HIVEP1: variants seen among roughly 807,000 people sequenced by gnomAD.
HIVEP1 encodes the protein HIVEP zinc finger 1.
HIVEP1 carries 36 observed loss-of-function variants against 180.0 expected under a neutral mutation model. The observed-to-expected ratio is 0.20, with a 90% CI of 0.15 to 0.26. HIVEP1 has a LOEUF of 0.26. Among genes scored for constraint, HIVEP1 ranks in the 10% least tolerant of loss-of-function variants. The pLI is 1.00. For synonymous variants in HIVEP1, 1,239 were observed against 1,239.0 expected, an observed-to-expected ratio of 1.00 and a Z score of 0.00; for missense variants, 3,143 against 3,268.7, an observed-to-expected ratio of 0.96 and a Z score of 0.94.
At chr6:12,011,020 G>C (rs138145443), upstream of HIVEP1, among the ~76,000 whole-genome samples, 24 of 152,118 alleles carry the variant, frequency 1.6e-4, no homozygotes, top group East Asian at 4.5e-3. Context: ...TCGCAGCTTC[G>C]GCACTGGGAA....
chr6:12,211,264 G>C, the HIVEP1 span, among the ~76,000 whole-genome samples: 1 of 96,416 alleles, frequency 1.0e-5, no homozygotes, highest in Non-Finnish European at 2.0e-5. Context: ...GCCGGGCGTG[G>C]TGGCAGGTGC....
the HIVEP1 span, among the ~76,000 whole-genome samples, chr6:12,199,877 C>T: frequency 1.3e-5 from 2 of 152,136 alleles, no homozygotes; most frequent in Non-Finnish European, 2.9e-5. Flanking sequence ...ATCACCATTC[C>T]CAGGAAGCTG....
intron 2 of HIVEP1, among the ~76,000 whole-genome samples, chr6:12,044,629 G>A (rs1042502823): frequency 2.0e-5 from 3 of 150,366 alleles, no homozygotes; most frequent in Non-Finnish European, 3.0e-5. Flanking sequence ...CAAAGCCAGC[G>A]CACCTGTTTA....
upstream of HIVEP1, among the ~76,000 whole-genome samples, chr6:12,009,204 C>T (rs1441748001): frequency 6.8e-6 from 1 of 147,658 alleles, no homozygotes; most frequent in Admixed American, 6.7e-5. Context: ...AGGGGGGTGC[C>T]TGAGCCGGGC....
At chr6:12,126,006 G>A (rs1283654197) in intron 4 of HIVEP1, 136 bp downstream of exon 4, 45 of 619,280 alleles carry the variant, frequency 7.3e-5, no homozygotes, top group Non-Finnish European at 1.2e-4. Context: ...TTATTTGAAA[G>A]ACAGGGTGAT....
At chr6:12,095,962 T>TA (rs1773760553) in intron 3 of HIVEP1, among the ~76,000 whole-genome samples, 1 of 152,044 alleles carries the variant, frequency 6.6e-6, no homozygotes, top group African/African-American at 2.4e-5. Flanking sequence ...ACAGAAATGT[T>TA]ACGATGATCC....
chr6:12,185,830 A>C, the HIVEP1 span, among the ~76,000 whole-genome samples: 1 of 152,220 alleles, frequency 6.6e-6, no homozygotes, highest in African/African-American at 2.4e-5. Flanking sequence ...GGGAACCATC[A>C]TGCATTCTGA....
chr6:12,056,923 G>A (rs142105725), intron 2 of HIVEP1, among the ~76,000 whole-genome samples: 1 of 151,392 alleles, frequency 6.6e-6, no homozygotes, highest in African/African-American at 2.4e-5. Context: ...TGCAGTTTCT[G>A]CCTCCTGAGC....
intron 3 of HIVEP1, among the ~76,000 whole-genome samples, chr6:12,113,427 A>C (rs1235615649): frequency 2.0e-5 from 3 of 151,860 alleles, no homozygotes; most frequent in Non-Finnish European, 4.4e-5. Context: ...GAGGAGGAGA[A>C]AGTTTACCGC....
intron 2 of HIVEP1, among the ~76,000 whole-genome samples, chr6:12,060,345 T>C (rs530687123): frequency 6.6e-6 from 1 of 152,218 alleles, no homozygotes; most frequent in South Asian, 2.1e-4. Context: ...GAAATAAAAC[T>C]TCAGACAATT....
rs779597944 is a variant in HIVEP1, at chr6:12,161,641, G to A, written c.6690G>A (p.Glu2230=). The A allele has an allele frequency of 4.3e-6, 7 of 1,614,012 alleles. No individual in the cohort carries two copies. Among genetic ancestry groups the A allele is most frequent in the African/African-American group, 4.0e-5 (3 of 74,928 alleles). The part of the protein sequence containing the change: ...SSLQDPVSTD[E]DVRITDCFSG... ...TTCAGGACCCTGTGAGTACTGACGA[G>A]GATGTCAGGATCACCGATTGCTTTT... Residue 2230 remains glutamate (E), a synonymous_variant, in exon 8 of 9, where the codon GAG becomes GAA. Coordinates refer to ENST00000379388, the MANE Select transcript of HIVEP1 (RefSeq NM_002114.4).
chr6:12,184,097 C>G, the HIVEP1 span, among the ~76,000 whole-genome samples: 372 of 151,766 alleles, frequency 2.5e-3, 2 homozygotes, highest in South Asian at 3.5e-3. Context: ...TTTGTCAGAA[C>G]GTAAAAGAGA....
At chr6:12,182,927 C>T in the HIVEP1 span, among the ~76,000 whole-genome samples, 7 of 152,106 alleles carry the variant, frequency 4.6e-5, no homozygotes, top group Non-Finnish European at 7.4e-5. Flanking sequence ...TGGCCCTCCC[C>T]GGTGACTCAA....
At chr6:12,160,064 G>A (rs752147168) in intron 7 of HIVEP1, among the ~76,000 whole-genome samples, 5 of 152,186 alleles carry the variant, frequency 3.3e-5, no homozygotes, top group Non-Finnish European at 7.3e-5. Context: ...ATACCTGTAA[G>A]TGCAGAATGT....
In HIVEP1 at chr6:12,120,098, T is replaced by C. The variant is rs1295159783; in HGVS notation, c.303T>C (p.Pro101=). 1.2e-6 allele frequency: 2 copies of C among 1,613,182 alleles called. No homozygotes were observed. Among genetic ancestry groups the C allele is most frequent in the Non-Finnish European group, 1.7e-6 (2 of 1,179,752 alleles). The change falls in exon 4 of 9, where the codon CCT becomes CCC. Residue 101 remains proline, a synonymous_variant. Transcript: ENST00000379388. ...CTCACAAGAAACAGAATTATATTCC[T>C]GTAAAAAATGGGAAGCAGTTTACCA... ...SESHKKQNYI[P]VKNGKQFTKQ...
chr6:12,039,854 T>A (rs1259219466), intron 2 of HIVEP1, among the ~76,000 whole-genome samples: 1 of 152,134 alleles, frequency 6.6e-6, no homozygotes, highest in African/African-American at 2.4e-5. Context: ...AGCCTGGATC[T>A]TGGATGCTGC....
intron 1 of HIVEP1, among the ~76,000 whole-genome samples, chr6:12,013,072 C>T (rs1164772305): frequency 6.6e-6 from 1 of 151,826 alleles, no homozygotes; most frequent in Admixed American, 6.5e-5. Flanking sequence ...GAGTTGCTGG[C>T]TGGAGAGGGG....
intron 2 of HIVEP1, among the ~76,000 whole-genome samples, chr6:12,057,101 T>A (rs1006771116): frequency 2.6e-5 from 4 of 152,212 alleles, no homozygotes; most frequent in African/African-American, 9.6e-5. Flanking sequence ...GTCTGTATAA[T>A]GAATTGTAAG....
At chr6:12,066,890 A>G (rs1218161385) in intron 2 of HIVEP1, among the ~76,000 whole-genome samples, 1 of 151,930 alleles carries the variant, frequency 6.6e-6, no homozygotes, top group Non-Finnish European at 1.5e-5. Context: ...GTGTATATAT[A>G]TATACACACA....
Sources: allele counts gnomAD v4.1 joint callset (sites outside exome capture counted in the v4.1 genomes callset), GRCh38; gene constraint gnomAD v4.1.1; transcripts MANE v1.5; gene names NCBI Gene and HGNC (gene_info 2026-07-23, HGNC 2026-07-21).